SLC24A3: variants seen among roughly 807,000 people sequenced by gnomAD.
The protein encoded by SLC24A3 is sodium/potassium/calcium exchanger 3.
Under a neutral mutation model 75.8 loss-of-function variants are expected in SLC24A3, and 28 were observed. The observed-to-expected ratio is 0.37, with a 90% CI of 0.27 to 0.51. The LOEUF (loss-of-function observed/expected upper bound fraction) is 0.51, where lower values mean the gene tolerates loss of function less well. Ranked by LOEUF, SLC24A3 falls within the 20% of genes least tolerant of loss-of-function variation. SLC24A3 has a pLI of 0.94. For synonymous variants in SLC24A3, 372 were observed against 334.1 expected (o/e 1.11, Z -1.24); for missense variants, 663 against 847.8 (o/e 0.78, Z 2.71).
At chr20:19,462,122 CGT>C (rs1299865324) in intron 2 of SLC24A3, among the ~76,000 whole-genome samples, 14 of 152,244 alleles carry the variant, frequency 9.2e-5, no homozygotes, top group African/African-American at 3.1e-4. Flanking sequence ...CACATTATCT[CGT>C]GTCTTAAATC....
chr20:19,395,181 T>G (rs1350776234), intron 2 of SLC24A3, among the ~76,000 whole-genome samples: 1 of 152,082 alleles, frequency 6.6e-6, no homozygotes. Flanking sequence ...TGCCAGGTAC[T>G]GGGGGGAGAA....
chr20:19,413,996 A>G (rs1986788368), intron 2 of SLC24A3, among the ~76,000 whole-genome samples: 1 of 152,230 alleles, frequency 6.6e-6, no homozygotes, highest in Admixed American at 6.5e-5. Flanking sequence ...CCCAAAATAG[A>G]TACCCAGGTA....
intron 12 of SLC24A3, 121 bp from the exon 13 acceptor site, chr20:19,693,138 T>C: frequency 9.5e-7 from 1 of 1,054,418 alleles, no homozygotes; most frequent in Non-Finnish European, 1.3e-6. Context: ...AAAAGAGCAA[T>C]ATAATAAGGT....
chr20:19,301,783 A>T (rs1211086873), intron 2 of SLC24A3, among the ~76,000 whole-genome samples: 2 of 152,048 alleles, frequency 1.3e-5, no homozygotes, highest in South Asian at 2.1e-4. Context: ...TTCTGGGCCA[A>T]ATGCTTATCT....
At chr20:19,473,364 A>G (rs1440279240) in intron 2 of SLC24A3, among the ~76,000 whole-genome samples, 2 of 152,242 alleles carry the variant, frequency 1.3e-5, no homozygotes, top group Non-Finnish European at 2.9e-5. Flanking sequence ...TCAGAACTCT[A>G]GATTCCTAAC....
chr20:19,332,655 G>C (rs1017381362), intron 2 of SLC24A3, among the ~76,000 whole-genome samples: 6 of 152,148 alleles, frequency 3.9e-5, no homozygotes, highest in Admixed American at 1.3e-4. Context: ...GGACTGAGGA[G>C]ACCCAGTTCC....
chr20:19,502,099 A>AT (rs1426811508), intron 2 of SLC24A3, among the ~76,000 whole-genome samples: 2 of 152,168 alleles, frequency 1.3e-5, no homozygotes, highest in Non-Finnish European at 2.9e-5. Flanking sequence ...GCAGAGAGCC[A>AT]TAGCAGTTAG....
In SLC24A3 at chr20:19,476,340, T is replaced by C. The variant is rs76458676; in HGVS notation, c.272-39148T>C. Reference sequence around the variant, plus strand: ...CCTGATGTTCTTACTGGTTAGCGAATGACTTTTCTTCCTGCTGTGCAATAT... The same window carrying C: ...CCTGATGTTCTTACTGGTTAGCGAACGACTTTTCTTCCTGCTGTGCAATAT... On this transcript the variant is annotated intron_variant, in intron 2 of 16. Coordinates refer to ENST00000328041, the MANE Select transcript of SLC24A3 (RefSeq NM_020689.4). Among the ~76,000 whole-genome samples the C allele has an allele frequency of 1.3e-3, 199 of 152,352 alleles. 4 individuals are homozygous for C. In the East Asian group the frequency reaches 0.022, roughly 17 times the overall value.
chr20:19,311,332 G>A (rs1568585916), intron 2 of SLC24A3, among the ~76,000 whole-genome samples: 1 of 152,030 alleles, frequency 6.6e-6, no homozygotes, highest in Non-Finnish European at 1.5e-5. Context: ...GATCATTCCA[G>A]GGCCCCACAC....
intron 11 of SLC24A3, 48 bp downstream of exon 11, chr20:19,684,384 C>T (rs1320803446): frequency 1.3e-6 from 2 of 1,564,444 alleles, no homozygotes; most frequent in Admixed American, 3.7e-5. Context: ...GGGTGGGAAA[C>T]TCTGGGAAGG....
At chr20:19,599,273 G>A (rs760338243) in intron 6 of SLC24A3, among the ~76,000 whole-genome samples, 5 of 152,206 alleles carry the variant, frequency 3.3e-5, no homozygotes, top group East Asian at 1.9e-4. Context: ...AGGGGCTCCC[G>A]TCCTGGAGGC....
intron 2 of SLC24A3, among the ~76,000 whole-genome samples, chr20:19,461,070 A>T (rs1987662767): frequency 6.6e-6 from 1 of 152,210 alleles, no homozygotes; most frequent in Non-Finnish European, 1.5e-5. Context: ...TTTCTGGAAG[A>T]GATCAAGGTG....
intron 1 of SLC24A3, among the ~76,000 whole-genome samples, chr20:19,263,367 T>A (rs1983057462): frequency 6.6e-6 from 1 of 152,208 alleles, no homozygotes; most frequent in African/African-American, 2.4e-5. Context: ...ATTGCTTGTT[T>A]TCAAGGGGGG....
At chr20:19,287,477 A>G (rs192344492) in intron 2 of SLC24A3, among the ~76,000 whole-genome samples, 1 of 152,362 alleles carries the variant, frequency 6.6e-6, no homozygotes, top group Admixed American at 6.5e-5. Flanking sequence ...ATTTCCCCCA[A>G]ACTTGTTTCT....
chr20:19,223,380 TATC>T (rs1981784723), intron 1 of SLC24A3, among the ~76,000 whole-genome samples: 1 of 152,214 alleles, frequency 6.6e-6, no homozygotes, highest in Non-Finnish European at 1.5e-5. Flanking sequence ...TATAGTATAA[TATC>T]ATAACCAGGG....
chr20:19,465,127 C>G (rs1987742226), intron 2 of SLC24A3, among the ~76,000 whole-genome samples: 1 of 152,202 alleles, frequency 6.6e-6, no homozygotes, highest in Non-Finnish European at 1.5e-5. Flanking sequence ...CCACACTGGA[C>G]AGACCACAGG....
chr20:19,663,686 C>A (rs934694741), intron 7 of SLC24A3, among the ~76,000 whole-genome samples: 1 of 151,824 alleles, frequency 6.6e-6, no homozygotes, highest in Non-Finnish European at 1.5e-5. Flanking sequence ...GCTCCCCAAG[C>A]CACAACCATC....
chr20:19,612,639 T>C (rs1386386744), intron 6 of SLC24A3, among the ~76,000 whole-genome samples: 1 of 151,628 alleles, frequency 6.6e-6, no homozygotes, highest in Admixed American at 6.6e-5. Context: ...TGTGTGTGTG[T>C]GTAAAATAAA....
At chr20:19,239,138 A>AAC (rs397822890) in intron 1 of SLC24A3, among the ~76,000 whole-genome samples, 1 of 151,042 alleles carries the variant, frequency 6.6e-6, no homozygotes, top group African/African-American at 2.4e-5. Flanking sequence ...AAAAAAAAAA[A>AAC]CAACACAGAG....
Sources: gnomAD v4.1 joint callset for allele counts (sites outside exome capture counted in the v4.1 genomes callset) on GRCh38, gnomAD v4.1.1 for gene constraint, MANE v1.5 for transcripts, NCBI Gene and HGNC (gene_info 2026-07-23, HGNC 2026-07-21) for gene names.